Variants in CPNE3 observed in about 807,000 individuals in gnomAD.
CPNE3 encodes the protein copine-3.
CPNE3 carries 68 observed loss-of-function variants against 63.9 expected under a neutral mutation model. The ratio of observed to expected loss-of-function variants is 1.06; its 90% confidence interval spans 0.87 to 1.30. The LOEUF (loss-of-function observed/expected upper bound fraction) is 1.30. Among genes scored for constraint, CPNE3 ranks in the 50% most tolerant of loss-of-function variants. CPNE3 has a pLI of 0.00. For missense variants in CPNE3, 665 were observed against 578.1 expected (o/e 1.15, Z -1.54); for synonymous variants, 219 against 197.5 (o/e 1.11, Z -0.91).
chr8:86,558,243 A>T, intron 16 of CPNE3, 45 bp from the exon 17 acceptor site: 2 of 871,808 alleles, frequency 2.3e-6, no homozygotes, highest in Non-Finnish European at 4.0e-6. Context: ...AAAGCCAGGA[A>T]AATTCAGTTG....
At chr8:86,539,535 T>G (rs901871510) in intron 7 of CPNE3, among the ~76,000 whole-genome samples, 2 of 152,172 alleles carry the variant, frequency 1.3e-5, no homozygotes, top group Non-Finnish European at 2.9e-5. Flanking sequence ...AAATGTGGAC[T>G]TATTTCTCCA....
Position 86,528,986 on chromosome 8 carries a change from A to C in CPNE3, c.174A>C (p.Gln58His). 1.2e-6 allele frequency: 2 copies of C among 1,613,698 alleles called. No individual in the cohort carries two copies. The highest frequency in any genetic ancestry group is 1.7e-6 in the Non-Finnish European group (2 of 1,179,914). ...TERIKNCLNPQFSKTFIIDYY... is the reference protein window; with the variant it reads ...TERIKNCLNPHFSKTFIIDYY... The stretch of plus-strand genomic sequence containing the variant: ...GGATTAAGAATTGCTTGAATCCCCA[A>C]TTTTCCAAGACATTTATTATTGATT... The change falls in exon 4 of 17, where the codon CAA (glutamine) becomes CAC (histidine). Residue 58 changes from glutamine (Q) to histidine (H), a missense_variant. By Grantham distance (24) the Gln-to-His change is conservative. Transcript: ENST00000517490.
intron 1 of CPNE3, among the ~76,000 whole-genome samples, chr8:86,514,986 C>G (rs1057431996): frequency 2.0e-5 from 3 of 152,194 alleles, no homozygotes; most frequent in Non-Finnish European, 4.4e-5. Flanking sequence ...GTACCCACAC[C>G]ACGTCCGTGG....
intron 2 of CPNE3, among the ~76,000 whole-genome samples, chr8:86,522,745 T>C (rs201186527): frequency 6.6e-6 from 1 of 152,042 alleles, no homozygotes; most frequent in East Asian, 1.9e-4. Flanking sequence ...TAGTGAATCA[T>C]GGTATTAGAA....
chr8:86,539,726 G>A (rs757529627), intron 7 of CPNE3, among the ~76,000 whole-genome samples: 42 of 136,006 alleles, frequency 3.1e-4, no homozygotes, highest in Non-Finnish European at 4.4e-4. Context: ...GCAGTGGCAC[G>A]ATCTCCACTC....
intron 14 of CPNE3, among the ~76,000 whole-genome samples, chr8:86,552,958 G>GCCCTCCCCCC (rs1402912128): frequency 3.1e-4 from 1 of 3,232 alleles, no homozygotes; most frequent in African/African-American, 4.0e-4. Context: ...TCCTGCCACA[G>GCCCTCCCCCC]CCCGCCCCCC....
At chr8:86,550,911 G>C (rs1293138170) in intron 12 of CPNE3, 135 bp from the exon 13 acceptor site, 1 of 799,822 alleles carries the variant, frequency 1.3e-6, no homozygotes, top group Non-Finnish European at 1.9e-6. Flanking sequence ...GATTCTCTTT[G>C]GCAGTTAATA....
chr8:86,555,031 A>G (rs1821290619), intron 15 of CPNE3, 47 bp downstream of exon 15: 1 of 1,609,684 alleles, frequency 6.2e-7, no homozygotes, highest in Non-Finnish European at 8.5e-7. Context: ...GATTGGTAGC[A>G]GCTCCTGGTG....
Position 86,558,602 on chromosome 8 carries a change from G to T in CPNE3, c.*192G>T, listed in dbSNP as rs1821374131. The T allele has an allele frequency of 7.7e-6, 4 of 521,916 alleles. No homozygotes were observed. The Admixed American group carries it at 1.2e-4, about 16-fold the overall frequency. 32.3% of individuals were successfully genotyped at this position (521,916 alleles called of 1,614,324 possible). On this transcript the variant is annotated 3_prime_UTR_variant, in exon 17 of 17. Coordinates refer to ENST00000517490, the MANE Select transcript of CPNE3 (RefSeq NM_003909.5). ...ACAGTGCCAAGTCCATCTTTGCCCA[G>T]TCAATTCAGTGATTGATAGCAATTT...
chr8:86,544,347 C>G (rs1234030706), intron 8 of CPNE3, among the ~76,000 whole-genome samples: 3 of 152,124 alleles, frequency 2.0e-5, no homozygotes, highest in African/African-American at 7.2e-5. Flanking sequence ...CTTTCTTTCT[C>G]CATATAATGG....
At chr8:86,539,034 T>C (rs1820868443) in intron 7 of CPNE3, among the ~76,000 whole-genome samples, 1 of 152,240 alleles carries the variant, frequency 6.6e-6, no homozygotes, top group Admixed American at 6.5e-5. Flanking sequence ...TTTTTCAAAA[T>C]CTTTCATCCT....
At chr8:86,541,608 G>A (rs1467861584) in intron 8 of CPNE3, among the ~76,000 whole-genome samples, 2 of 151,702 alleles carry the variant, frequency 1.3e-5, no homozygotes, top group African/African-American at 4.8e-5. Context: ...GGAGGCTTAG[G>A]TGGGAGGATC....
At chr8:86,527,890 A>G (rs1820573067) in intron 2 of CPNE3, among the ~76,000 whole-genome samples, 1 of 150,796 alleles carries the variant, frequency 6.6e-6, no homozygotes, top group Admixed American at 6.6e-5. Context: ...GTGAAGGGTC[A>G]AGATAATACT....
intron 14 of CPNE3, among the ~76,000 whole-genome samples, chr8:86,551,832 T>G (rs977099775): frequency 6.6e-6 from 1 of 152,232 alleles, no homozygotes; most frequent in Non-Finnish European, 1.5e-5. Context: ...TTTTATTTAT[T>G]TAAAAAAATA....
intron 7 of CPNE3, among the ~76,000 whole-genome samples, chr8:86,539,436 C>T (rs1022781287): frequency 1.3e-5 from 2 of 151,904 alleles, no homozygotes; most frequent in Non-Finnish European, 2.9e-5. Flanking sequence ...TTGTTTTATG[C>T]CTTTTAAGTG....
At chr8:86,529,244 C>T in intron 4 of CPNE3, 120 bp downstream of exon 4, 3 of 765,674 alleles carry the variant, frequency 3.9e-6, no homozygotes, top group Non-Finnish European at 2.1e-6. Context: ...ACTTTAAAGA[C>T]AGTTTATATA....
intron 7 of CPNE3, 102 bp from the exon 8 acceptor site, chr8:86,540,143 G>A (rs138073783): frequency 3.6e-5 from 26 of 719,466 alleles, no homozygotes; most frequent in Middle Eastern, 2.6e-4. Context: ...AAGAGGTGGA[G>A]GACGAATGGT....
intron 6 of CPNE3, among the ~76,000 whole-genome samples, chr8:86,534,722 G>A (rs191719969): frequency 6.6e-6 from 1 of 152,216 alleles, no homozygotes; most frequent in East Asian, 1.9e-4. Flanking sequence ...TTGTTTCTTA[G>A]CAAGAATCTT....
intron 13 of CPNE3, 34 bp from the exon 14 acceptor site, chr8:86,551,149 C>G (rs752554463): frequency 1.9e-6 from 3 of 1,613,418 alleles, no homozygotes; most frequent in Non-Finnish European, 2.5e-6. Flanking sequence ...AAAAGCAGCC[C>G]AGCCCTCATC....
Sources: allele counts gnomAD v4.1 joint callset (sites outside exome capture counted in the v4.1 genomes callset), GRCh38; gene constraint gnomAD v4.1.1; transcripts MANE v1.5; gene names NCBI Gene and HGNC (gene_info 2026-07-23, HGNC 2026-07-21).